GABRB1: variants seen among roughly 807,000 people sequenced by gnomAD.
The protein encoded by GABRB1 is gamma-aminobutyric acid receptor subunit beta-1.
In GABRB1, 17 loss-of-function variants were observed where a neutral mutation model predicts 51.6. That is an observed-to-expected ratio of 0.33 (90% CI 0.23 to 0.49). GABRB1 has a LOEUF of 0.49. GABRB1 is among the 20% of genes least tolerant of loss of function. GABRB1 has a pLI of 0.99. For synonymous variants in GABRB1, 247 were observed against 218.9 expected, an observed-to-expected ratio of 1.13 and a Z score of -1.14; for missense variants, 410 against 600.6, an observed-to-expected ratio of 0.68 and a Z score of 3.32.
At chr4:47,422,837 G>A (rs541435974) in intron 8 of GABRB1, among the ~76,000 whole-genome samples, 6 of 152,188 alleles carry the variant, frequency 3.9e-5, no homozygotes, top group South Asian at 2.1e-4. Flanking sequence ...CCATTTCGCC[G>A]ATGACAATAT....
intron 4 of GABRB1, among the ~76,000 whole-genome samples, chr4:47,173,695 C>T (rs1380941004): frequency 6.6e-6 from 1 of 152,164 alleles, no homozygotes; most frequent in Non-Finnish European, 1.5e-5. Flanking sequence ...AAAGACCTCA[C>T]TCATGCTTCG....
chr4:47,290,133 T>A (rs758172015), intron 4 of GABRB1, among the ~76,000 whole-genome samples: 2 of 152,232 alleles, frequency 1.3e-5, no homozygotes, highest in Non-Finnish European at 2.9e-5. Flanking sequence ...AGTTGTGGAC[T>A]GATACAGTTT....
chr4:47,185,846 G>T (rs1371519365), intron 4 of GABRB1, among the ~76,000 whole-genome samples: 2 of 151,814 alleles, frequency 1.3e-5, no homozygotes, highest in African/African-American at 4.8e-5. Context: ...GTAATCAAAA[G>T]TTGGCCTGCA....
chr4:47,113,380 C>CG (rs1409757705), intron 3 of GABRB1, among the ~76,000 whole-genome samples: 1 of 111,748 alleles, frequency 8.9e-6, no homozygotes, highest in East Asian at 2.4e-4. Flanking sequence ...AGTGAGACTT[C>CG]GTCTCCAAAA....
intron 3 of GABRB1, among the ~76,000 whole-genome samples, chr4:47,094,229 C>CT (rs35279182): frequency 0.33 from 41,866 of 126,486 alleles, 7,259 homozygotes; most frequent in African/African-American, 0.41. Flanking sequence ...TCTTTTTTCT[C>CT]TTTTTTTTTT....
chr4:47,421,088 C>G (rs1050714672), intron 8 of GABRB1, among the ~76,000 whole-genome samples: 5 of 152,084 alleles, frequency 3.3e-5, no homozygotes, highest in African/African-American at 1.2e-4. Flanking sequence ...TGAAAAAGAA[C>G]ATGGTAATGT....
At chr4:47,006,627 T>C (rs1188575973) in intron 1 of GABRB1, among the ~76,000 whole-genome samples, 1 of 152,190 alleles carries the variant, frequency 6.6e-6, no homozygotes, top group African/African-American at 2.4e-5. Context: ...TAAAAAATCA[T>C]TATATCTAGG....
intron 5 of GABRB1, among the ~76,000 whole-genome samples, chr4:47,401,069 G>A (rs13123331): frequency 0.16 from 23,640 of 151,588 alleles, 1,962 homozygotes; most frequent in Non-Finnish European, 0.17. Flanking sequence ...GTATATATAT[G>A]CCACGTTTTT....
chr4:47,265,042 C>T (rs1189130268), intron 4 of GABRB1, among the ~76,000 whole-genome samples: 1 of 152,126 alleles, frequency 6.6e-6, no homozygotes, highest in Non-Finnish European at 1.5e-5. Flanking sequence ...AGATTTAGCA[C>T]AGTTTTGTTA....
intron 5 of GABRB1, among the ~76,000 whole-genome samples, chr4:47,362,637 A>C (rs1220559452): frequency 6.6e-6 from 1 of 152,110 alleles, no homozygotes; most frequent in Admixed American, 6.6e-5. Flanking sequence ...TCATGTATGC[A>C]CTCAGAGGAC....
intron 1 of GABRB1, among the ~76,000 whole-genome samples, chr4:47,006,166 G>C (rs772989231): frequency 5.3e-5 from 8 of 151,646 alleles, no homozygotes; most frequent in Non-Finnish European, 1.2e-4. Flanking sequence ...GTTTTTCTCT[G>C]TCCCTGATAT....
intron 3 of GABRB1, among the ~76,000 whole-genome samples, chr4:47,132,791 C>A (rs915726467): frequency 2.0e-5 from 3 of 152,172 alleles, no homozygotes; most frequent in African/African-American, 7.2e-5. Context: ...AGTGTGCCTG[C>A]CAGACCCAGA....
chr4:47,356,704 A>T (rs1726591555), intron 5 of GABRB1, among the ~76,000 whole-genome samples: 1 of 152,126 alleles, frequency 6.6e-6, no homozygotes. Flanking sequence ...AGTTTTGGTT[A>T]TTTTCAAACG....
chr4:47,368,770 A>G (rs371420496), intron 5 of GABRB1, among the ~76,000 whole-genome samples: 2 of 151,866 alleles, frequency 1.3e-5, no homozygotes, highest in African/African-American at 4.8e-5. Flanking sequence ...CATTATTTAA[A>G]CTTAAATAAT....
Position 47,167,455 on chromosome 4 carries a change from T to C in GABRB1, c.461+5986T>C, listed in dbSNP as rs967171536. 3.3e-5 allele frequency among the ~76,000 whole-genome samples: 5 copies of C among 152,068 alleles called. No individual in the cohort carries two copies. In the South Asian group the frequency reaches 1.0e-3, roughly 32 times the overall value. ...TTTTTTGCCTTCTCCTCCTAGCCCCTACAATTGCTTTTCTTTCAAAGTTCC... is the reference window on the plus strand; with the variant it reads ...TTTTTTGCCTTCTCCTCCTAGCCCCCACAATTGCTTTTCTTTCAAAGTTCC... On this transcript the variant is annotated intron_variant, in intron 4 of 8. Transcript: ENST00000295454.
chr4:47,124,867 C>T (rs993942551), intron 3 of GABRB1, among the ~76,000 whole-genome samples: 6 of 151,918 alleles, frequency 3.9e-5, no homozygotes, highest in African/African-American at 1.5e-4. Context: ...TTATTAGATA[C>T]CATCAAGCAA....
At chr4:47,162,289 C>T (rs952516591) in intron 4 of GABRB1, among the ~76,000 whole-genome samples, 1 of 152,006 alleles carries the variant, frequency 6.6e-6, no homozygotes, top group African/African-American at 2.4e-5. Context: ...ACCAATGTAA[C>T]TTCCGTCAGA....
At chr4:47,307,374 A>G (rs1724509991) in intron 4 of GABRB1, among the ~76,000 whole-genome samples, 1 of 152,062 alleles carries the variant, frequency 6.6e-6, no homozygotes, top group African/African-American at 2.4e-5. Flanking sequence ...GACAGAAATC[A>G]TGTTTTATTG....
At chr4:47,316,701 C>G (rs1278215577) in intron 4 of GABRB1, among the ~76,000 whole-genome samples, 1 of 151,876 alleles carries the variant, frequency 6.6e-6, no homozygotes, top group African/African-American at 2.4e-5. Flanking sequence ...AAACCATTTG[C>G]AGTGGTATCA....
Sources: gnomAD v4.1 joint callset for allele counts (sites outside exome capture counted in the v4.1 genomes callset) on GRCh38, gnomAD v4.1.1 for gene constraint, MANE v1.5 for transcripts, NCBI Gene and HGNC (gene_info 2026-07-23, HGNC 2026-07-21) for gene names.